The following C1orf105 variants were observed in gnomAD, a reference collection of about 807,000 sequenced individuals.
C1orf105 encodes chromosome 1 open reading frame 105, also known as uncharacterized protein C1orf105.
A neutral mutation model predicts 20.8 loss-of-function variants in C1orf105; 17 were observed. The observed-to-expected ratio is 0.82, with a 90% CI of 0.56 to 1.23. C1orf105 has a LOEUF of 1.23. C1orf105 is among the 50% of genes most tolerant of loss of function. C1orf105 has a pLI of 0.00. For missense variants in C1orf105, 219 were observed against 213.5 expected (o/e 1.03, Z -0.16); for synonymous variants, 72 against 72.1 (o/e 1.00, Z 0.01).
At chr1:172,466,542 T>C (rs1404809518) in intron 6 of C1orf105, among the ~76,000 whole-genome samples, 1 of 151,980 alleles carries the variant, frequency 6.6e-6, no homozygotes, top group Non-Finnish European at 1.5e-5. Flanking sequence ...TGGACTTTTT[T>C]CAGACCTGCA....
rs756198219 is a variant in C1orf105, at chr1:172,465,581, C to G, written c.406+218C>G. On this transcript the variant is annotated intron_variant, in intron 6 of 6. Coordinates refer to ENST00000367727, the MANE Select transcript of C1orf105 (RefSeq NM_139240.4). ...GTGCCCTCCTCAGGCCTCACTTGCC[C>G]TTATACATGTCATGTTCCTTCCCAG... is the stretch of plus-strand genomic sequence containing the variant. 7.5e-6 allele frequency: 5 copies of G among 663,204 alleles called. No homozygotes were observed. The East Asian group carries it at 1.2e-4, about 16-fold the overall frequency. 41.1% of individuals were successfully genotyped at this position (663,204 alleles called of 1,614,324 possible).
chr1:172,432,344 C>T (rs1313686635), intron 1 of C1orf105, among the ~76,000 whole-genome samples: 1 of 152,134 alleles, frequency 6.6e-6, no homozygotes, highest in Non-Finnish European at 1.5e-5. Context: ...CAGTAGGGGC[C>T]GACTGACACC....
At chr1:172,437,041 C>A (rs2072060678) in intron 1 of C1orf105, among the ~76,000 whole-genome samples, 1 of 152,146 alleles carries the variant, frequency 6.6e-6, no homozygotes, top group South Asian at 2.1e-4. Context: ...CAATGAGATA[C>A]CATCTCACAC....
At chr1:172,449,517 T>G (rs1314841607) in intron 3 of C1orf105, among the ~76,000 whole-genome samples, 1 of 151,876 alleles carries the variant, frequency 6.6e-6, no homozygotes, top group Non-Finnish European at 1.5e-5. Flanking sequence ...AAGAGAAGAT[T>G]ATCAGCAAAG....
Position 172,468,543 on chromosome 1 carries a change from A to G in C1orf105, c.501A>G (p.Gln167=). 4.3e-6 allele frequency: 7 copies of G among 1,614,068 alleles called. No homozygotes were observed. Among genetic ancestry groups the G allele is most frequent in the Non-Finnish European group, 5.9e-6 (7 of 1,179,926 alleles). ...CCTACAAAACTCTAAAAGAGAGACA[A>G]CGTTCTTCCTTGCCCAGAAAGGAAC... ...TEAYKTLKER[Q]RSSLPRKEPI... is the part of the protein sequence containing the mutation. The change falls in exon 7 of 7, where the codon CAA becomes CAG. Residue 167 remains glutamine (Q), a synonymous_variant. Coordinates refer to ENST00000367727, the MANE Select transcript of C1orf105 (RefSeq NM_139240.4).
intron 1 of C1orf105, chr1:172,442,279 G>C: frequency 3.1e-6 from 5 of 1,613,716 alleles, no homozygotes; most frequent in Non-Finnish European, 4.2e-6. Flanking sequence ...AGCCCACCGG[G>C]TCTGCCCACT....
intron 2 of C1orf105, 56 bp downstream of exon 2, chr1:172,445,214 T>G: frequency 7.2e-7 from 1 of 1,397,982 alleles, no homozygotes; most frequent in Non-Finnish European, 1.0e-6. Flanking sequence ...CAGAAGATGA[T>G]TTCTTCTTAA....
chr1:172,443,938 AGAG>A, intron 1 of C1orf105: 1 of 994,696 alleles, frequency 1.0e-6, no homozygotes, highest in Non-Finnish European at 1.2e-6. Context: ...GGGAGGCAGC[AGAG>A]GAAAAGGAGC....
intron 6 of C1orf105, among the ~76,000 whole-genome samples, chr1:172,467,296 T>C (rs1650134869): frequency 6.6e-6 from 1 of 152,254 alleles, no homozygotes; most frequent in Non-Finnish European, 1.5e-5. Context: ...TGCCAATGAC[T>C]GTCTAACTCA....
At chr1:172,441,592 C>G in intron 1 of C1orf105, 1 of 752,266 alleles carries the variant, frequency 1.3e-6, no homozygotes, top group East Asian at 2.7e-5. Flanking sequence ...GCCTTTGGTT[C>G]ATTTTTTTTG....
At chr1:172,451,267 C>G (rs983524273) in intron 3 of C1orf105, 5 of 152,270 alleles carry the variant, frequency 3.3e-5, no homozygotes, top group South Asian at 2.1e-4. Context: ...CCCCCACTCT[C>G]TCTCTACTCA....
chr1:172,460,963 G>A (rs1485163245), intron 4 of C1orf105, among the ~76,000 whole-genome samples: 1 of 152,220 alleles, frequency 6.6e-6, no homozygotes, highest in African/African-American at 2.4e-5. Flanking sequence ...TGGATTTAGG[G>A]GATTTAGAAC....
At chr1:172,443,292 A>G (rs1177335581) in intron 1 of C1orf105, 1 of 167,082 alleles carries the variant, frequency 6.0e-6, no homozygotes, top group Admixed American at 6.5e-5. Context: ...TTGCATGCTT[A>G]TATCTGGATT....
chr1:172,442,952 T>G (rs1647490242), intron 1 of C1orf105: 1 of 237,978 alleles, frequency 4.2e-6, no homozygotes, highest in African/African-American at 2.3e-5. Flanking sequence ...AGTCACCTTA[T>G]GGGACATTAA....
intron 1 of C1orf105, among the ~76,000 whole-genome samples, chr1:172,439,986 CAGT>C (rs2149167260): frequency 6.6e-6 from 1 of 152,288 alleles, no homozygotes; most frequent in Non-Finnish European, 1.5e-5. Context: ...ATATAGAAAG[CAGT>C]CCAATTGACC....
chr1:172,456,502 GA>G lies in C1orf105; in HGVS notation c.273+15del. 4 of 1,611,528 alleles carry G rather than the reference GA, an allele frequency of 2.5e-6. No homozygotes were observed. Among genetic ancestry groups the G allele is most frequent in the Non-Finnish European group, 3.4e-6 (4 of 1,179,132 alleles). Reference sequence around the variant, plus strand: ...AGAAATGAAAATGGTAGGCAAGGGGGAAGACAGAAATGGGCACAGGCATCTC... The same window carrying G: ...AGAAATGAAAATGGTAGGCAAGGGGGAGACAGAAATGGGCACAGGCATCTC... On this transcript the variant is annotated intron_variant, in intron 4 of 6. Coordinates refer to ENST00000367727, the MANE Select transcript of C1orf105 (RefSeq NM_139240.4).
intron 1 of C1orf105, among the ~76,000 whole-genome samples, chr1:172,421,895 C>T (rs780227032): frequency 1.1e-4 from 16 of 152,052 alleles, no homozygotes; most frequent in East Asian, 3.9e-4. Context: ...GCTGCCAATA[C>T]GGGGCAGAAC....
chr1:172,437,168 A>C (rs1392264906), intron 1 of C1orf105, among the ~76,000 whole-genome samples: 2 of 152,204 alleles, frequency 1.3e-5, no homozygotes, highest in African/African-American at 2.4e-5. Flanking sequence ...ATTGTGGAAG[A>C]CAGTGTGGCG....
intron 1 of C1orf105, among the ~76,000 whole-genome samples, chr1:172,421,797 C>A (rs953797350): frequency 2.0e-5 from 3 of 152,176 alleles, no homozygotes; most frequent in Non-Finnish European, 4.4e-5. Context: ...ACCCCTCCCC[C>A]ATCCCCTGGC....
Sources: gnomAD v4.1 joint callset for allele counts (sites outside exome capture counted in the v4.1 genomes callset) on GRCh38, gnomAD v4.1.1 for gene constraint, MANE v1.5 for transcripts, NCBI Gene and HGNC (gene_info 2026-07-23, HGNC 2026-07-21) for gene names.